The following NDUFA9 variants were observed in gnomAD, a reference collection of about 807,000 sequenced individuals.
The protein encoded by NDUFA9 is NADH dehydrogenase [ubiquinone] 1 alpha subcomplex subunit 9, mitochondrial.
Under a neutral mutation model 45.9 loss-of-function variants are expected in NDUFA9, and 23 were observed. The ratio of observed to expected loss-of-function variants is 0.50; its 90% CI spans 0.36 to 0.71. NDUFA9 has a LOEUF of 0.71. Among genes scored for constraint, NDUFA9 ranks in the 30% least tolerant of loss-of-function variants. NDUFA9 has a pLI of 0.00. For synonymous variants in NDUFA9, 176 were observed against 170.5 expected, an observed-to-expected ratio of 1.03 and a Z score of -0.25; for missense variants, 466 against 488.2, an observed-to-expected ratio of 0.95 and a Z score of 0.43.
intron 6 of NDUFA9, among the ~76,000 whole-genome samples, chr12:4,668,219 A>G (rs1485128851): frequency 2.0e-5 from 3 of 152,230 alleles, no homozygotes; most frequent in African/African-American, 7.2e-5. Flanking sequence ...CTAGTTGTCT[A>G]GACATTTGAC....
chr12:4,651,352 A>G (rs1945758789), intron 1 of NDUFA9, among the ~76,000 whole-genome samples: 1 of 152,170 alleles, frequency 6.6e-6, no homozygotes, highest in African/African-American at 2.4e-5. Flanking sequence ...AATAATTTAT[A>G]TTTATTGAGC....
intron 10 of NDUFA9, 56 bp from the exon 11 acceptor site, chr12:4,686,882 G>T: frequency 1.3e-6 from 2 of 1,543,676 alleles, no homozygotes; most frequent in Admixed American, 1.8e-5. Context: ...TGCTAGGATA[G>T]CACTTTGTTC....
In NDUFA9 at chr12:4,689,981, A is replaced by G. The variant is rs796285108; in HGVS notation, c.*2873A>G. ...CATTGACTAAGGAAACAATTTTACC[A>G]TCCTAAGCTAGTGGATGTCACCCTC... On this transcript the variant is annotated 3_prime_UTR_variant, in exon 11 of 11. Coordinates refer to ENST00000266544, the MANE Select transcript of NDUFA9 (RefSeq NM_005002.5). The G allele has an allele frequency of 6.5e-5, 10 of 153,058 alleles. No homozygotes were observed. Among genetic ancestry groups the G allele is most frequent in the African/African-American group, 2.4e-4 (10 of 41,590 alleles). 9.5% of individuals were successfully genotyped at this position (153,058 alleles called of 1,614,324 possible).
intron 3 of NDUFA9, 121 bp downstream of exon 3, chr12:4,655,043 G>T: frequency 1.4e-6 from 1 of 705,994 alleles, no homozygotes; most frequent in Non-Finnish European, 2.3e-6. Flanking sequence ...GGCATCCTCT[G>T]TTCCCAGGTC....
chr12:4,686,209 A>G (rs1231043421), intron 10 of NDUFA9, among the ~76,000 whole-genome samples: 1 of 152,214 alleles, frequency 6.6e-6, no homozygotes, highest in Non-Finnish European at 1.5e-5. Flanking sequence ...CCTCTGGTAA[A>G]AGAATTGCAG....
chr12:4,668,347 A>G, intron 6 of NDUFA9, 110 bp from the exon 7 acceptor site: 2 of 891,248 alleles, frequency 2.2e-6, no homozygotes, highest in South Asian at 1.6e-5. Flanking sequence ...AGTCAGCTAC[A>G]TTCATTATAT....
At chr12:4,660,998 G>A (rs1185256114) in intron 5 of NDUFA9, among the ~76,000 whole-genome samples, 1 of 138,872 alleles carries the variant, frequency 7.2e-6, no homozygotes, top group Non-Finnish European at 1.6e-5. Context: ...TGTGGAGTTG[G>A]TATGTTTTTT....
chr12:4,656,483 G>A (rs1945791532), intron 3 of NDUFA9, among the ~76,000 whole-genome samples: 1 of 152,226 alleles, frequency 6.6e-6, no homozygotes. Context: ...GAGCACGTTT[G>A]GATGACCAAG....
chr12:4,679,097 T>G (rs1249746500), intron 8 of NDUFA9, among the ~76,000 whole-genome samples: 1 of 152,164 alleles, frequency 6.6e-6, no homozygotes, highest in Non-Finnish European at 1.5e-5. Context: ...ATAAAAGGAA[T>G]GAAATATTGA....
chr12:4,657,094 G>C (rs927141711), intron 3 of NDUFA9: 5 of 151,982 alleles, frequency 3.3e-5, no homozygotes, highest in Non-Finnish European at 7.3e-5. Context: ...CTTATTATTT[G>C]GTGCTAAGAA....
At position 4,652,275 on chromosome 12, in the gene NDUFA9, A is replaced by G. The variant is rs149271547; in HGVS notation, c.50-2017A>G. Among the ~76,000 whole-genome samples the G allele has an allele frequency of 1.2e-3, 189 of 152,282 alleles. 1 individual carries two copies. The highest frequency in any genetic ancestry group is 2.3e-3 in the Non-Finnish European group (158 of 68,026). ...GAATCAGTAATTTTCTACCTCTACC[A>G]TGGAAATCATGTCATTTCCATCAGC... On this transcript the variant is annotated intron_variant, in intron 1 of 10. Coordinates refer to ENST00000266544, the MANE Select transcript of NDUFA9 (RefSeq NM_005002.5).
At chr12:4,667,507 C>A in intron 6 of NDUFA9, 1 of 209,544 alleles carries the variant, frequency 4.8e-6, no homozygotes, top group Non-Finnish European at 9.4e-6. Context: ...TGAATAATTT[C>A]TACTCTTTTT....
chr12:4,677,136 A>G (rs1341239876), intron 8 of NDUFA9, among the ~76,000 whole-genome samples: 1 of 152,234 alleles, frequency 6.6e-6, no homozygotes, highest in Admixed American at 6.5e-5. Flanking sequence ...CTTACACCTG[A>G]TACAAAAATT....
At chr12:4,676,016 A>G (rs374444117) in intron 8 of NDUFA9, among the ~76,000 whole-genome samples, 1 of 152,274 alleles carries the variant, frequency 6.6e-6, no homozygotes, top group East Asian at 1.9e-4. Context: ...GTAATCCATC[A>G]CATAAACAGA....
In NDUFA9 at chr12:4,687,077, A is replaced by T. The variant is rs751530496; in HGVS notation, c.1103A>T (p.Asp368Val). The stretch of plus-strand genomic sequence containing the variant: ...CGCTGGCTGTCTGCTGAAATTGAGG[A>T]TGTGAAGCCGGCCAAGACCGTCAAC... Reference protein sequence around the residue: ...TYRWLSAEIEDVKPAKTVNI With the variant: ...TYRWLSAEIEVVKPAKTVNI The change falls in exon 11 of 11, where the codon GAT becomes GTT. Residue 368 changes from aspartate to valine, a missense_variant. Transcript: ENST00000266544. 1.2e-6 allele frequency: 2 copies of T among 1,614,090 alleles called. No individual in the cohort carries two copies. Among genetic ancestry groups the T allele is most frequent in the Admixed American group, 1.7e-5 (1 of 60,016 alleles).
At chr12:4,662,656 G>T in intron 6 of NDUFA9, 21 bp downstream of exon 6, 1 of 1,567,008 alleles carries the variant, frequency 6.4e-7, no homozygotes, top group Non-Finnish European at 8.8e-7. Flanking sequence ...TTTCTTAATG[G>T]TAGAAGAGAG....
intron 7 of NDUFA9, among the ~76,000 whole-genome samples, chr12:4,669,269 CACTATT>C (rs1453931246): frequency 6.6e-6 from 1 of 152,190 alleles, no homozygotes; most frequent in African/African-American, 2.4e-5. Flanking sequence ...GGGCCAAAAT[CACTATT>C]ACTATTACTG....
rs911446993 is a variant in NDUFA9 at position 4,693,498 on chromosome 12, C to T, written c.*6390C>T. On this transcript the variant is annotated 3_prime_UTR_variant, in exon 11 of 11. Coordinates refer to ENST00000266544, the MANE Select transcript of NDUFA9 (RefSeq NM_005002.5). ...AGTTTACCAGCAGTGGTTATCCTCT[C>T]TCCAAGACTGGGCCAGGGGTGAGAA... is the stretch of plus-strand genomic sequence containing the variant. The T allele has an allele frequency of 6.6e-6, 1 of 152,212 alleles. No individual in the cohort carries two copies. The highest frequency in any genetic ancestry group is 2.4e-5 in the African/African-American group (1 of 41,446). The allele number at this position is 152,212 out of a possible 1,614,324, so 9.4% of individuals were successfully genotyped here.
chr12:4,657,726 C>A, intron 3 of NDUFA9, 22 bp from the exon 4 acceptor site: 1 of 1,572,588 alleles, frequency 6.4e-7, no homozygotes, highest in Non-Finnish European at 8.7e-7. Context: ...TGTTTTCATC[C>A]GATTGCTTTC....
Sources: gnomAD v4.1 joint callset for allele counts (sites outside exome capture counted in the v4.1 genomes callset) on GRCh38, gnomAD v4.1.1 for gene constraint, MANE v1.5 for transcripts, NCBI Gene and HGNC (gene_info 2026-07-23, HGNC 2026-07-21) for gene names.